Variants in LARP1B observed in about 807,000 individuals in gnomAD.
LARP1B encodes the protein La ribonucleoprotein 1B, also known as la-related protein 1B.
In LARP1B, 76 loss-of-function variants were observed where a neutral mutation model predicts 114.2. The observed-to-expected ratio is 0.67, with a 90% CI of 0.55 to 0.81. The LOEUF is 0.81. Among genes scored for constraint, LARP1B ranks in the 30% least tolerant of loss-of-function variants. The probability of loss-of-function intolerance (pLI) is 0.00; values close to 1 mark genes in which losing one functional copy is unlikely to be tolerated. For missense variants in LARP1B, 1,014 were observed against 1,075.8 expected, an observed-to-expected ratio of 0.94 and a Z score of 0.80; for synonymous variants, 345 against 348.0, an observed-to-expected ratio of 0.99 and a Z score of 0.10.
At chr4:128,112,147 T>C (rs949133874) in intron 9 of LARP1B, among the ~76,000 whole-genome samples, 3 of 152,178 alleles carry the variant, frequency 2.0e-5, no homozygotes, top group African/African-American at 4.8e-5. Context: ...ATTGGTGATA[T>C]ATGTAGTGTT....
chr4:128,166,930 TTCTCTCTCTCTCTCTCTCTC>T (rs56916317), intron 12 of LARP1B, among the ~76,000 whole-genome samples: 25 of 103,086 alleles, frequency 2.4e-4, no homozygotes, highest in African/African-American at 5.2e-4. Context: ...TTATATTCTA[TTCTCTCTCTCTCTCTCTCTC>T]TCTCTCTCTC....
intron 12 of LARP1B, among the ~76,000 whole-genome samples, chr4:128,168,386 G>A (rs1742073234): frequency 6.6e-6 from 1 of 151,818 alleles, no homozygotes; most frequent in Non-Finnish European, 1.5e-5. Flanking sequence ...GCTTGGTAAA[G>A]TGCCTGCTCA....
chr4:128,095,403 C>T (rs975627786), intron 7 of LARP1B, among the ~76,000 whole-genome samples: 9 of 148,424 alleles, frequency 6.1e-5, no homozygotes, highest in African/African-American at 2.0e-4. Context: ...GCAGGAGAAT[C>T]GCTTGAACCT....
chr4:128,153,174 G>A (rs574981765), intron 11 of LARP1B, among the ~76,000 whole-genome samples: 3 of 151,226 alleles, frequency 2.0e-5, no homozygotes, highest in Non-Finnish European at 3.0e-5. Context: ...GTAGAGACGG[G>A]GTGTCACTAT....
Position 128,211,748 on chromosome 4 carries a change from C to T in LARP1B, c.*1695C>T, listed in dbSNP as rs971739494. ...TTCTCAGTGTCCTTTTTGTGTTGAA[C>T]ACATATATCTGAAACCTGTATTTAA... On this transcript the variant is annotated 3_prime_UTR_variant, in exon 20 of 20. Coordinates refer to ENST00000326639, the MANE Select transcript of LARP1B (RefSeq NM_018078.4). 8.4e-6 allele frequency: 8 copies of T among 957,618 alleles called. No homozygotes were observed. In the African/African-American group the frequency reaches 1.2e-4, roughly 15 times the overall value. The allele number at this position is 957,618 out of a possible 1,614,324, so 59.3% of individuals were successfully genotyped here.
In LARP1B at chr4:128,207,255, G is replaced by A; in HGVS notation, c.2420-1G>A. 1.5e-6 allele frequency: 2 copies of A among 1,365,072 alleles called. No homozygotes were observed. The highest frequency in any genetic ancestry group is 2.0e-6 in the Non-Finnish European group (2 of 1,019,864). The allele number at this position is 1,365,072 out of a possible 1,614,324, so 84.6% of individuals were successfully genotyped here. ...TAATGTATATTATTCTTTGTTATTA[G>A]GTCAGCTGTATGGACTAGAAAAGTT... On this transcript the variant is annotated splice_acceptor_variant, in intron 18 of 19. Transcript: ENST00000326639. LOFTEE classifies it high-confidence loss of function.
chr4:128,099,260 A>G (rs772143144), intron 8 of LARP1B, among the ~76,000 whole-genome samples: 1 of 150,256 alleles, frequency 6.7e-6, no homozygotes, highest in Non-Finnish European at 1.5e-5. Context: ...GGTAACCACA[A>G]TCACTAATCT....
At chr4:128,199,290 T>C (rs557729805) in intron 15 of LARP1B, 149 bp from the exon 16 acceptor site, 35 of 467,322 alleles carry the variant, frequency 7.5e-5, no homozygotes, top group African/African-American at 6.4e-4. Flanking sequence ...TATATGCAGA[T>C]CTGTATGTCA....
At chr4:128,205,107 G>A (rs185770757) in intron 17 of LARP1B, among the ~76,000 whole-genome samples, 1 of 152,244 alleles carries the variant, frequency 6.6e-6, no homozygotes, top group African/African-American at 2.4e-5. Context: ...GGCTATGGGA[G>A]CCAAGGGCTC....
rs9942272 is a variant in LARP1B at position 128,082,970 on chromosome 4, G to A, written c.358+665G>A. Among the ~76,000 whole-genome samples the A allele has an allele frequency of 3.0e-3, 460 of 151,478 alleles. 4 individuals are homozygous for A. Among genetic ancestry groups the A allele is most frequent in the African/African-American group, 0.011 (441 of 41,154 alleles). On this transcript the variant is annotated intron_variant, in intron 5 of 19. Transcript: ENST00000326639. Reference sequence around the variant, plus strand: ...TAGGCAGAGGACCCTGCGGCCTTCCGCAGTGTTTGTGTCCCTGGGTACTTG... The same window carrying A: ...TAGGCAGAGGACCCTGCGGCCTTCCACAGTGTTTGTGTCCCTGGGTACTTG...
At chr4:128,189,452 T>C (rs943442353) in intron 15 of LARP1B, among the ~76,000 whole-genome samples, 4 of 151,598 alleles carry the variant, frequency 2.6e-5, no homozygotes, top group Non-Finnish European at 5.9e-5. Flanking sequence ...TAGTTGGATC[T>C]TGTTTCTAAA....
intron 11 of LARP1B, among the ~76,000 whole-genome samples, chr4:128,140,685 T>C (rs1727605480): frequency 1.3e-5 from 2 of 152,136 alleles, no homozygotes; most frequent in South Asian, 2.1e-4. Context: ...AGGAGACATA[T>C]TTCATAACAA....
Position 128,096,810 on chromosome 4 carries a change from C to T in LARP1B, c.669-1376C>T, listed in dbSNP as rs201863107. Reference sequence around the variant, plus strand: ...AGAGACGGAGTTTCACCATGTTAGCCAGGATGGTCTCGATCTCCTGACCTT... The same window carrying T: ...AGAGACGGAGTTTCACCATGTTAGCTAGGATGGTCTCGATCTCCTGACCTT... On this transcript the variant is annotated intron_variant, in intron 7 of 19. Coordinates refer to ENST00000326639, the MANE Select transcript of LARP1B (RefSeq NM_018078.4). Among the ~76,000 whole-genome samples the T allele has an allele frequency of 3.9e-5, 6 of 152,104 alleles. No homozygotes were observed. The East Asian group carries it at 1.2e-3, about 29-fold the overall frequency.
intron 15 of LARP1B, among the ~76,000 whole-genome samples, chr4:128,196,284 A>G (rs1754072965): frequency 6.7e-6 from 1 of 150,126 alleles, no homozygotes; most frequent in African/African-American, 2.4e-5. Flanking sequence ...AAGAAAGAAA[A>G]AGAAAAGGGA....
intron 9 of LARP1B, 121 bp from the exon 10 acceptor site, chr4:128,114,449 T>C: frequency 1.4e-6 from 1 of 724,176 alleles, no homozygotes; most frequent in Non-Finnish European, 2.3e-6. Flanking sequence ...AAGCTTACAG[T>C]TGAGACTGAT....
chr4:128,098,767 A>ATACATATATATATATT (rs1328165907), intron 8 of LARP1B, among the ~76,000 whole-genome samples: 1 of 35,034 alleles, frequency 2.9e-5, no homozygotes, highest in East Asian at 1.3e-3. Context: ...ATATATATAT[A>ATACATATATATATATT]TTTTTTTTTT....
chr4:128,220,262 A>G (rs1362340068), intron 6 of LARP1B: 2 of 278,888 alleles, frequency 7.2e-6, no homozygotes, highest in African/African-American at 4.6e-5. Context: ...TTTACAAAGT[A>G]GTGTCACCAC....
At chr4:128,205,866 A>C (rs970470991) in intron 17 of LARP1B, among the ~76,000 whole-genome samples, 1 of 152,214 alleles carries the variant, frequency 6.6e-6, no homozygotes, top group African/African-American at 2.4e-5. Context: ...GCATCTAAAG[A>C]GGTCATACTG....
intron 12 of LARP1B, among the ~76,000 whole-genome samples, chr4:128,164,092 G>T (rs1325827050): frequency 6.6e-6 from 1 of 151,944 alleles, no homozygotes; most frequent in African/African-American, 2.4e-5. Context: ...TTTTGTAGTT[G>T]TATTGCTTTT....
Sources: allele counts gnomAD v4.1 joint callset (sites outside exome capture counted in the v4.1 genomes callset), GRCh38; gene constraint gnomAD v4.1.1; transcripts MANE v1.5; gene names NCBI Gene and HGNC (gene_info 2026-07-23, HGNC 2026-07-21).